Variants in THSD4 observed in about 807,000 individuals in gnomAD.
THSD4 encodes thrombospondin type-1 domain-containing protein 4.
In THSD4, 69 loss-of-function variants were observed where a neutral mutation model predicts 119.0. That is an observed-to-expected ratio of 0.58 (90% CI 0.48 to 0.71). The LOEUF is 0.71. THSD4 is among the 30% of genes least tolerant of loss of function. The pLI is 0.00. For missense variants in THSD4, 1,393 were observed against 1,391.1 expected, an observed-to-expected ratio of 1.00 and a Z score of -0.02; for synonymous variants, 524 against 540.4, an observed-to-expected ratio of 0.97 and a Z score of 0.42.
At chr15:71,428,762 G>T (rs1206689032) in intron 7 of THSD4, among the ~76,000 whole-genome samples, 15 of 152,106 alleles carry the variant, frequency 9.9e-5, no homozygotes, top group Admixed American at 9.8e-4. Flanking sequence ...GTTCCCCAGG[G>T]CCCCAACAGG....
At chr15:71,508,100 A>T (rs1567013626) in intron 7 of THSD4, among the ~76,000 whole-genome samples, 1 of 152,232 alleles carries the variant, frequency 6.6e-6, no homozygotes. Flanking sequence ...CGGGAGGACC[A>T]CTTAATGATT....
intron 7 of THSD4, among the ~76,000 whole-genome samples, chr15:71,445,217 C>T (rs1488252701): frequency 6.6e-6 from 1 of 152,070 alleles, no homozygotes; most frequent in Non-Finnish European, 1.5e-5. Context: ...GCTTCCTCTC[C>T]CTGTCGTGCC....
At chr15:71,203,797 C>A (rs1315933528) in intron 3 of THSD4, among the ~76,000 whole-genome samples, 1 of 152,176 alleles carries the variant, frequency 6.6e-6, no homozygotes, top group Non-Finnish European at 1.5e-5. Context: ...ACACTTGCTG[C>A]GTGCTGTGTT....
chr15:71,479,573 C>T (rs1231899341), intron 7 of THSD4, among the ~76,000 whole-genome samples: 1 of 152,064 alleles, frequency 6.6e-6, no homozygotes, highest in Non-Finnish European at 1.5e-5. Flanking sequence ...AGAGACTTTT[C>T]ATTAGTCGAT....
chr15:71,236,060 TC>T (rs1286021393), intron 4 of THSD4, among the ~76,000 whole-genome samples: 1 of 152,106 alleles, frequency 6.6e-6, no homozygotes, highest in East Asian at 1.9e-4. Flanking sequence ...TCGAGGGCAG[TC>T]CCCGGGGCTG....
chr15:71,443,386 G>A (rs997568942), intron 7 of THSD4, among the ~76,000 whole-genome samples: 1 of 151,958 alleles, frequency 6.6e-6, no homozygotes, highest in South Asian at 2.1e-4. Flanking sequence ...ACCCAACTTG[G>A]CTTCTATCGA....
At chr15:71,111,465 G>A (rs765159342), upstream of THSD4, 4 of 1,457,022 alleles carry the variant, frequency 2.7e-6, no homozygotes, top group African/African-American at 1.4e-5. Flanking sequence ...AAGGAGGCAA[G>A]CAGGGGAGGG....
At chr15:71,608,978 G>A (rs1295000557) in intron 7 of THSD4, among the ~76,000 whole-genome samples, 3 of 152,194 alleles carry the variant, frequency 2.0e-5, no homozygotes, top group African/African-American at 7.2e-5. Flanking sequence ...CCCTGGGCAG[G>A]TGATGAGCCC....
chr15:71,098,620 T>C (rs1374233738), intron 1 of THSD4, among the ~76,000 whole-genome samples: 1 of 152,088 alleles, frequency 6.6e-6, no homozygotes, highest in Non-Finnish European at 1.5e-5. Flanking sequence ...ATAGGGACAT[T>C]CATCATTTTT....
chr15:71,744,013 TA>T (rs760560726), intron 11 of THSD4, among the ~76,000 whole-genome samples: 1 of 152,166 alleles, frequency 6.6e-6, no homozygotes, highest in Non-Finnish European at 1.5e-5. Context: ...GGAAGACAGT[TA>T]TTTGTGAAGA....
intron 7 of THSD4, among the ~76,000 whole-genome samples, chr15:71,642,278 A>G (rs543682912): frequency 4.9e-4 from 74 of 152,186 alleles, no homozygotes; most frequent in Non-Finnish European, 9.8e-4. Context: ...TAGAATGGCA[A>G]TCATTAAAAA....
intron 6 of THSD4, among the ~76,000 whole-genome samples, chr15:71,404,501 A>G (rs958178950): frequency 2.6e-5 from 4 of 152,228 alleles, no homozygotes; most frequent in Admixed American, 2.6e-4. Context: ...GTTGAGAGAC[A>G]TTTCAGTTTC....
At chr15:71,515,792 G>A (rs1310874968) in intron 7 of THSD4, among the ~76,000 whole-genome samples, 1 of 152,204 alleles carries the variant, frequency 6.6e-6, no homozygotes, top group East Asian at 1.9e-4. Flanking sequence ...GGGTTTCACG[G>A]AAGTGGCTTT....
At chr15:71,453,174 C>T (rs2047289690) in intron 7 of THSD4, among the ~76,000 whole-genome samples, 1 of 152,168 alleles carries the variant, frequency 6.6e-6, no homozygotes, top group Admixed American at 6.5e-5. Flanking sequence ...GATTTAGCCA[C>T]CCAATCTATG....
intron 7 of THSD4, among the ~76,000 whole-genome samples, chr15:71,422,378 T>C (rs1226174222): frequency 6.6e-6 from 1 of 152,234 alleles, no homozygotes; most frequent in Non-Finnish European, 1.5e-5. Flanking sequence ...CTTTGGTCAC[T>C]GCAGACGTAT....
chr15:71,676,757 G>C (rs2051659998), intron 8 of THSD4, among the ~76,000 whole-genome samples: 1 of 152,056 alleles, frequency 6.6e-6, no homozygotes, highest in Admixed American at 6.6e-5. Context: ...ATTTCACTTA[G>C]CATAATGTTT....
rs184925640 is a variant in THSD4 at position 71,367,315 on chromosome 15, G to T, written c.1016-44372G>T. 2.1e-3 allele frequency among the ~76,000 whole-genome samples: 318 copies of T among 151,444 alleles called. 1 individual carries two copies. Among genetic ancestry groups the T allele is most frequent in the African/African-American group, 6.7e-3 (276 of 41,178 alleles). On this transcript the variant is annotated intron_variant, in intron 6 of 17. Transcript: ENST00000261862. Reference sequence around the variant, plus strand: ...TCTTTTTTTTATTATTATTATACTTGAAGTTCTAGGGTAGATGTGCACAAC... The same window carrying T: ...TCTTTTTTTTATTATTATTATACTTTAAGTTCTAGGGTAGATGTGCACAAC...
intron 11 of THSD4, among the ~76,000 whole-genome samples, chr15:71,738,899 TTCTC>T (rs2053180224): frequency 6.6e-6 from 1 of 152,172 alleles, no homozygotes; most frequent in Admixed American, 6.5e-5. Context: ...GGCTTAGAGG[TTCTC>T]TCTCAGGAGC....
At chr15:71,097,371 C>G (rs1215653497) in intron 1 of THSD4, among the ~76,000 whole-genome samples, 1 of 151,964 alleles carries the variant, frequency 6.6e-6, no homozygotes, top group Non-Finnish European at 1.5e-5. Context: ...TCGCAACCAG[C>G]CTGAGCAACA....
Sources: allele counts gnomAD v4.1 joint callset (sites outside exome capture counted in the v4.1 genomes callset), GRCh38; gene constraint gnomAD v4.1.1; transcripts MANE v1.5; gene names NCBI Gene and HGNC (gene_info 2026-07-23, HGNC 2026-07-21).